Variants in PDE1C observed in about 807,000 individuals in gnomAD.
PDE1C encodes dual specificity calcium/calmodulin-dependent 3',5'-cyclic nucleotide phosphodiesterase 1C.
A neutral mutation model predicts 93.1 loss-of-function variants in PDE1C; 62 were observed. The observed-to-expected ratio is 0.67, with a 90% confidence interval of 0.54 to 0.82. PDE1C has a LOEUF of 0.82. Among genes scored for constraint, PDE1C ranks in the 40% least tolerant of loss-of-function variants. The pLI, the probability that PDE1C is intolerant of heterozygous loss-of-function variation, is 0.00. For synonymous variants in PDE1C, 325 were observed against 310.1 expected, an observed-to-expected ratio of 1.05 and a Z score of -0.50; for missense variants, 742 against 884.6, an observed-to-expected ratio of 0.84 and a Z score of 2.04.
At chr7:32,010,011 C>A (rs780833594) in intron 2 of PDE1C, among the ~76,000 whole-genome samples, 1 of 152,136 alleles carries the variant, frequency 6.6e-6, no homozygotes, top group African/African-American at 2.4e-5. Flanking sequence ...CAAAACATCG[C>A]TGAAACTAAA....
the PDE1C span, among the ~76,000 whole-genome samples, chr7:31,630,509 T>C: frequency 6.6e-6 from 1 of 152,152 alleles, no homozygotes; most frequent in Admixed American, 6.5e-5. Context: ...TTAGTAATGT[T>C]GAACTAATAA....
chr7:32,389,626 A>G (rs1485257634), intron 1 of PDE1C, among the ~76,000 whole-genome samples: 1 of 152,194 alleles, frequency 6.6e-6, no homozygotes, highest in East Asian at 1.9e-4. Flanking sequence ...ATACTCACAG[A>G]CCTGGGACCT....
At chr7:31,935,504 A>C (rs1226333026) in intron 2 of PDE1C, among the ~76,000 whole-genome samples, 1 of 152,118 alleles carries the variant, frequency 6.6e-6, no homozygotes, top group East Asian at 1.9e-4. Flanking sequence ...AGGACAAATA[A>C]AAATCCATCA....
At chr7:32,215,222 C>T (rs1267896552) in intron 1 of PDE1C, among the ~76,000 whole-genome samples, 2 of 152,284 alleles carry the variant, frequency 1.3e-5, no homozygotes, top group Middle Eastern at 3.4e-3. Flanking sequence ...ATTAGATTCT[C>T]ATAGGAGCAT....
chr7:32,000,378 A>C (rs890304406), intron 2 of PDE1C, among the ~76,000 whole-genome samples: 2 of 152,156 alleles, frequency 1.3e-5, no homozygotes, highest in African/African-American at 2.4e-5. Context: ...TATAAGAGGG[A>C]AACAAGATGG....
intron 2 of PDE1C, among the ~76,000 whole-genome samples, chr7:32,026,077 CACACAT>C (rs1563213585): frequency 5.3e-4 from 80 of 152,262 alleles, no homozygotes; most frequent in African/African-American, 1.8e-3. Context: ...CACACACATA[CACACAT>C]ACACACACAC....
chr7:31,712,941 T>A, the PDE1C span, among the ~76,000 whole-genome samples: 1 of 152,152 alleles, frequency 6.6e-6, no homozygotes, highest in Non-Finnish European at 1.5e-5. Context: ...TCCCACAACA[T>A]GTGGGAATTC....
At chr7:31,630,688 T>C in the PDE1C span, among the ~76,000 whole-genome samples, 4 of 152,108 alleles carry the variant, frequency 2.6e-5, no homozygotes, top group Admixed American at 6.5e-5. Flanking sequence ...ATATATAGCT[T>C]ATGAAAATAG....
chr7:32,193,293 G>A (rs1054293990), intron 2 of PDE1C, among the ~76,000 whole-genome samples: 3 of 152,086 alleles, frequency 2.0e-5, no homozygotes, highest in African/African-American at 7.2e-5. Flanking sequence ...GGTTTTTGTA[G>A]ATCTTCCTTA....
At position 32,374,567 on chromosome 7, in the gene PDE1C, C is replaced by G. The variant is rs1037990599; in HGVS notation, c.310+53255G>C. ...CCCAGGCATCAGAGTGAAAGAGCCA[C>G]CACATGATTTTAGCCCCAAACCTAA... On this transcript the variant is annotated intron_variant, in intron 1 of 1. Transcript: ENST00000672256. 3.3e-5 allele frequency among the ~76,000 whole-genome samples: 5 copies of G among 152,236 alleles called. 1 individual carries two copies. The South Asian group carries it at 1.0e-3, about 32-fold the overall frequency.
intron 2 of PDE1C, among the ~76,000 whole-genome samples, chr7:31,998,772 C>T (rs1175372159): frequency 6.6e-6 from 1 of 152,150 alleles, no homozygotes; most frequent in Non-Finnish European, 1.5e-5. Flanking sequence ...AAATTTATTT[C>T]CACAGCCAAA....
At chr7:32,324,348 C>A (rs1783360183) in intron 1 of PDE1C, among the ~76,000 whole-genome samples, 5 of 152,182 alleles carry the variant, frequency 3.3e-5, no homozygotes, top group Admixed American at 2.0e-4. Flanking sequence ...CTAAAGCCAA[C>A]CCCAGCCTTT....
intron 2 of PDE1C, among the ~76,000 whole-genome samples, chr7:32,049,636 G>C (rs1055682374): frequency 6.6e-6 from 1 of 152,122 alleles, no homozygotes; most frequent in Admixed American, 6.5e-5. Context: ...GACTAAAGCA[G>C]TGATCTAAAA....
At chr7:32,237,764 T>TATATATATATATATATA (rs1562607071) in intron 1 of PDE1C, among the ~76,000 whole-genome samples, 9 of 80,024 alleles carry the variant, frequency 1.1e-4, no homozygotes, top group Admixed American at 3.1e-4. Context: ...ATATATATAC[T>TATATATATATATATATA]TTTTTTTTTT....
At chr7:32,319,582 C>G (rs908002838) in intron 1 of PDE1C, among the ~76,000 whole-genome samples, 1 of 152,232 alleles carries the variant, frequency 6.6e-6, no homozygotes, top group Non-Finnish European at 1.5e-5. Context: ...AGGCCAAACT[C>G]TGCTATAGAA....
At chr7:31,679,235 G>C in the PDE1C span, among the ~76,000 whole-genome samples, 2 of 152,170 alleles carry the variant, frequency 1.3e-5, no homozygotes, top group African/African-American at 4.8e-5. Context: ...TCTGCACAGA[G>C]ACCCTTGCCA....
chr7:31,842,709 G>C (rs1792071115), intron 9 of PDE1C, among the ~76,000 whole-genome samples: 1 of 151,900 alleles, frequency 6.6e-6, no homozygotes, highest in African/African-American at 2.4e-5. Context: ...ATAACAGCTT[G>C]AGCTTTCTTA....
At chr7:31,842,801 T>C (rs1792084001) in intron 9 of PDE1C, among the ~76,000 whole-genome samples, 1 of 151,944 alleles carries the variant, frequency 6.6e-6, no homozygotes, top group South Asian at 2.1e-4. Flanking sequence ...GAATTTACAT[T>C]ACTGTTTTGG....
intron 2 of PDE1C, among the ~76,000 whole-genome samples, chr7:32,181,137 G>A (rs892450491): frequency 2.0e-5 from 3 of 152,140 alleles, no homozygotes; most frequent in Admixed American, 6.5e-5. Flanking sequence ...GGAGCACCCA[G>A]ATTCATAAAG....
Sources: gnomAD v4.1 joint callset for allele counts (sites outside exome capture counted in the v4.1 genomes callset) on GRCh38, gnomAD v4.1.1 for gene constraint, MANE v1.5 for transcripts, NCBI Gene and HGNC (gene_info 2026-07-23, HGNC 2026-07-21) for gene names.